KAT2B: variants seen among roughly 807,000 people sequenced by gnomAD.
KAT2B encodes histone acetyltransferase KAT2B.
KAT2B carries 36 observed loss-of-function variants against 105.9 expected under a neutral mutation model. The ratio of observed to expected loss-of-function variants is 0.34; its 90% CI spans 0.26 to 0.45. The LOEUF (loss-of-function observed/expected upper bound fraction) is 0.45. KAT2B is among the 20% of genes least tolerant of loss of function. The pLI is 1.00. For synonymous variants in KAT2B, 397 were observed against 377.9 expected (o/e 1.05, Z -0.59); for missense variants, 820 against 1,021.6 (o/e 0.80, Z 2.69).
chr3:20,151,539 T>A (rs1575163959), intron 17 of KAT2B, among the ~76,000 whole-genome samples: 1 of 152,146 alleles, frequency 6.6e-6, no homozygotes, highest in African/African-American at 2.4e-5. Context: ...CAGGGAACCA[T>A]AAATAGACAA....
chr3:20,063,534 CTTTTTTTTTTTTTT>C lies in KAT2B; in HGVS notation c.304-8782_304-8769del, dbSNP rs36058009. On this transcript the variant is annotated intron_variant, in intron 1 of 17. Coordinates refer to ENST00000263754, the MANE Select transcript of KAT2B (RefSeq NM_003884.5). ...CTCACAGCAACTTCTGAGTAGGCCT[CTTTTTTTTTTTTTT>C]TTTTTTTTTTTTTTTTGAGATGGTT... 3.8e-3 allele frequency among the ~76,000 whole-genome samples: 334 copies of C among 88,824 alleles called. 5 individuals carry two copies. The highest frequency in any genetic ancestry group is 0.012 in the African/African-American group (282 of 23,994). 58.3% of individuals were successfully genotyped at this position (88,824 alleles called of 152,430 possible). A position where few individuals can be genotyped will look rare whatever the true frequency, so the allele number is the denominator to read the frequency against.
In KAT2B at chr3:20,148,471, T is replaced by G. The variant is rs773852620; in HGVS notation, c.2289T>G (p.Val763=). Residue 763 remains valine (V), a synonymous_variant, in exon 17 of 18, where the codon GTT becomes GTG. Coordinates refer to ENST00000263754, the MANE Select transcript of KAT2B (RefSeq NM_003884.5). The part of the protein sequence containing the change: ...KRTEAPGYYE[V]IRFPMDLKTM... The stretch of plus-strand genomic sequence containing the variant: ...CAGAAGCTCCAGGATATTATGAAGT[T>G]ATAAGGTTCCCCATGGGTAATACCA... 17 of 1,602,458 alleles carry G rather than the reference T, an allele frequency of 1.1e-5. No homozygotes were observed. In the South Asian group the frequency reaches 1.9e-4, roughly 18 times the overall value.
chr3:20,099,205 G>T (rs1386797957), intron 3 of KAT2B, among the ~76,000 whole-genome samples: 1 of 152,220 alleles, frequency 6.6e-6, no homozygotes, highest in African/African-American at 2.4e-5. Context: ...TGTTTTGTGG[G>T]CATTGAGATG....
In KAT2B at chr3:20,146,345, G is replaced by A; in HGVS notation, c.2034G>A (p.Gln678=). 1 of 1,611,304 alleles carries A rather than the reference G, an allele frequency of 6.2e-7. No individual in the cohort carries two copies. Among genetic ancestry groups the A allele is most frequent in the Non-Finnish European group, 8.5e-7 (1 of 1,177,702 alleles). Reference sequence around the variant, plus strand: ...TTAAAAAACTGATTGAAAGAAAACAGGCACAAATTCGAAAAGTTTACCCTG... The same window carrying A: ...TTAAAAAACTGATTGAAAGAAAACAAGCACAAATTCGAAAAGTTTACCCTG... ...EIIKKLIERK[Q]AQIRKVYPGL... The change falls in exon 14 of 18, where the codon CAG becomes CAA. Residue 678 remains glutamine, a synonymous_variant. Coordinates refer to ENST00000263754, the MANE Select transcript of KAT2B (RefSeq NM_003884.5).
intron 13 of KAT2B, among the ~76,000 whole-genome samples, chr3:20,144,515 TC>T (rs1699751550): frequency 6.6e-6 from 1 of 151,652 alleles, no homozygotes; most frequent in Non-Finnish European, 1.5e-5. Flanking sequence ...GGTCTCGATC[TC>T]CTGACCTCGT....
Position 20,059,945 on chromosome 3 carries a change from T to G in KAT2B, c.304-12388T>G, listed in dbSNP as rs148948317. Reference sequence around the variant, plus strand: ...ACTAATCTTTCTGTCTCTATAAATTTGCCTTTTCTGGATGGTCATGTAAAT... The same window carrying G: ...ACTAATCTTTCTGTCTCTATAAATTGGCCTTTTCTGGATGGTCATGTAAAT... On this transcript the variant is annotated intron_variant, in intron 1 of 17. Coordinates refer to ENST00000263754, the MANE Select transcript of KAT2B (RefSeq NM_003884.5). Among the ~76,000 whole-genome samples, 367 of 152,312 alleles carry G rather than the reference T, an allele frequency of 2.4e-3. 1 individual carries two copies. Among genetic ancestry groups the G allele is most frequent in the African/African-American group, 8.5e-3 (353 of 41,570 alleles).
At chr3:20,085,033 C>T (rs2125189578) in intron 2 of KAT2B, among the ~76,000 whole-genome samples, 1 of 152,210 alleles carries the variant, frequency 6.6e-6, no homozygotes, top group South Asian at 2.1e-4. Flanking sequence ...GCTTTCATAG[C>T]TTATCACAAA....
intron 11 of KAT2B, among the ~76,000 whole-genome samples, chr3:20,128,941 A>G (rs1699458327): frequency 7.3e-6 from 1 of 136,638 alleles, no homozygotes; most frequent in Non-Finnish European, 1.5e-5. Flanking sequence ...CGGGAGGCGG[A>G]GGTTGCAGTG....
At chr3:20,148,610 G>A (rs1256780671) in intron 17 of KAT2B, 123 bp downstream of exon 17, 1 of 705,234 alleles carries the variant, frequency 1.4e-6, no homozygotes, top group East Asian at 2.7e-5. Flanking sequence ...GACGGGTGGT[G>A]GGATTCCATG....
chr3:20,053,703 T>C (rs1697955385), intron 1 of KAT2B, among the ~76,000 whole-genome samples: 1 of 152,210 alleles, frequency 6.6e-6, no homozygotes, highest in Non-Finnish European at 1.5e-5. Flanking sequence ...AAACTACTAT[T>C]TATATTTTTT....
At chr3:20,075,492 G>A (rs1170726597) in intron 2 of KAT2B, among the ~76,000 whole-genome samples, 1 of 151,934 alleles carries the variant, frequency 6.6e-6, no homozygotes, top group Non-Finnish European at 1.5e-5. Context: ...CCACAATAGT[G>A]CTCCCACTTC....
At chr3:20,122,537 C>T (rs1231529519) in intron 8 of KAT2B, 131 bp from the exon 9 acceptor site, 2 of 620,692 alleles carry the variant, frequency 3.2e-6, no homozygotes, top group Non-Finnish European at 5.5e-6. Context: ...TCCTTTGTCA[C>T]CCCTTCCCCT....
At chr3:20,140,727 A>G (rs1223855694) in intron 13 of KAT2B, among the ~76,000 whole-genome samples, 1 of 152,006 alleles carries the variant, frequency 6.6e-6, no homozygotes, top group Non-Finnish European at 1.5e-5. Context: ...CCTGACCTCA[A>G]GTGATCCACC....
chr3:20,102,033 T>C (rs1026417935), intron 5 of KAT2B, among the ~76,000 whole-genome samples: 1 of 152,114 alleles, frequency 6.6e-6, no homozygotes, highest in African/African-American at 2.4e-5. Flanking sequence ...GAATTTTTTT[T>C]AGGCTGGGCA....
chr3:20,088,115 T>A (rs910500418), intron 2 of KAT2B, among the ~76,000 whole-genome samples: 2 of 152,184 alleles, frequency 1.3e-5, no homozygotes, highest in Admixed American at 6.5e-5. Flanking sequence ...TATTTGATTG[T>A]GTTCATATAC....
At chr3:20,087,580 A>G (rs1286568639) in intron 2 of KAT2B, among the ~76,000 whole-genome samples, 1 of 152,210 alleles carries the variant, frequency 6.6e-6, no homozygotes, top group Non-Finnish European at 1.5e-5. Flanking sequence ...TATTAATGAT[A>G]GTCACCATGC....
intron 11 of KAT2B, among the ~76,000 whole-genome samples, chr3:20,135,917 C>T (rs1699591984): frequency 6.6e-6 from 1 of 152,072 alleles, no homozygotes; most frequent in Non-Finnish European, 1.5e-5. Flanking sequence ...AAGGAATTCC[C>T]AACTATATGA....
At chr3:20,111,862 TA>T (rs2125166355) in intron 6 of KAT2B, 75 bp downstream of exon 6, 1 of 1,152,548 alleles carries the variant, frequency 8.7e-7, no homozygotes, top group South Asian at 1.5e-5. Context: ...AAAGCCTGCA[TA>T]AATAACAAGA....
intron 1 of KAT2B, among the ~76,000 whole-genome samples, chr3:20,060,749 A>G (rs542513300): frequency 1.3e-5 from 2 of 152,224 alleles, no homozygotes; most frequent in Admixed American, 1.3e-4. Context: ...ACATAGTAAG[A>G]CCCTGTCTCT....
Sources: allele counts gnomAD v4.1 joint callset (sites outside exome capture counted in the v4.1 genomes callset), GRCh38; gene constraint gnomAD v4.1.1; transcripts MANE v1.5; gene names NCBI Gene and HGNC (gene_info 2026-07-23, HGNC 2026-07-21).